UBN2: variants seen among roughly 807,000 people sequenced by gnomAD.
UBN2 encodes the protein ubinuclein 2.
In UBN2, 35 loss-of-function variants were observed where a neutral mutation model predicts 120.2. The ratio of observed to expected loss-of-function variants is 0.29; its 90% CI spans 0.22 to 0.39. UBN2 has a LOEUF of 0.39. UBN2 is among the 10% of genes least tolerant of loss of function. UBN2 has a pLI of 1.00. For missense variants in UBN2, 1,693 were observed against 1,663.2 expected (o/e 1.02, Z -0.31); for synonymous variants, 661 against 648.7 (o/e 1.02, Z -0.29).
rs1796004823 is a variant in UBN2, at chr7:139,231,455, G to GA, written c.-29dup. The GA allele has an allele frequency of 7.7e-7, 1 of 1,297,722 alleles. No homozygotes were observed. Among genetic ancestry groups the GA allele is most frequent in the Non-Finnish European group, 9.8e-7 (1 of 1,016,848 alleles). The allele number at this position is 1,297,722 out of a possible 1,614,324, so 80.4% of individuals were successfully genotyped here. On this transcript the variant is annotated 5_prime_UTR_variant, in exon 1 of 18. Transcript: ENST00000473989. ...GCGCCGTAGAAGCGAGCGCCGGCTCGAGCAAAAGCGGAGGGCCAGAACAGT... is the reference window on the plus strand; with the variant it reads ...GCGCCGTAGAAGCGAGCGCCGGCTCGAAGCAAAAGCGGAGGGCCAGAACAGT...
chr7:139,293,417 C>T lies in UBN2; in HGVS notation c.3855C>T (p.Thr1285=), dbSNP rs751739902. 1 of 1,614,148 alleles carries T rather than the reference C, an allele frequency of 6.2e-7. No homozygotes were observed. The highest frequency in any genetic ancestry group is 8.5e-7 in the Non-Finnish European group (1 of 1,180,012). ...GFGTDTAGVT[T]TSGSTSAAFH... is the part of the protein sequence containing the mutation. ...GAACGGACACAGCTGGAGTGACAAC[C>T]ACCTCGGGATCTACCTCAGCCGCTT... The change falls in exon 16 of 18, where the codon ACC becomes ACT. Residue 1285 remains threonine (T), a synonymous_variant. Transcript: ENST00000473989.
At chr7:139,271,475 A>G (rs1797271877) in intron 8 of UBN2, among the ~76,000 whole-genome samples, 1 of 151,724 alleles carries the variant, frequency 6.6e-6, no homozygotes, top group Non-Finnish European at 1.5e-5. Flanking sequence ...AGTCCCAGCT[A>G]CTCGGGTGGC....
chr7:139,273,890 C>T, intron 10 of UBN2, 41 bp from the exon 11 acceptor site: 2 of 1,521,842 alleles, frequency 1.3e-6, no homozygotes, highest in Admixed American at 2.2e-5. Flanking sequence ...AATGTATGTT[C>T]TTCTAAAAAA....
At chr7:139,240,798 G>A (rs1299247831) in intron 2 of UBN2, among the ~76,000 whole-genome samples, 1 of 152,144 alleles carries the variant, frequency 6.6e-6, no homozygotes, top group Non-Finnish European at 1.5e-5. Flanking sequence ...TTCATATTCA[G>A]CATCAATTAC....
At chr7:139,292,946 G>A (rs1798001998) in intron 15 of UBN2, among the ~76,000 whole-genome samples, 2 of 152,204 alleles carry the variant, frequency 1.3e-5, no homozygotes, top group Non-Finnish European at 2.9e-5. Context: ...AAATTGCATG[G>A]AATTACTTAC....
At chr7:139,328,742 T>C in the UBN2 span, among the ~76,000 whole-genome samples, 1 of 151,768 alleles carries the variant, frequency 6.6e-6, no homozygotes, top group African/African-American at 2.4e-5. Context: ...CACATGCCTG[T>C]AGTCCCAGCT....
chr7:139,322,736 G>A, the UBN2 span, among the ~76,000 whole-genome samples: 1 of 149,466 alleles, frequency 6.7e-6, no homozygotes, highest in African/African-American at 2.5e-5. Context: ...GTGTCACCAT[G>A]TTGACCAGGA....
chr7:139,327,059 G>T, the UBN2 span, among the ~76,000 whole-genome samples: 1 of 152,120 alleles, frequency 6.6e-6, no homozygotes. Context: ...TTGAGACAGA[G>T]TTTCACTCTT....
chr7:139,261,776 G>T, intron 6 of UBN2, 35 bp downstream of exon 6: 1 of 1,578,194 alleles, frequency 6.3e-7, no homozygotes. Context: ...TTTATTTGCT[G>T]CACAAACATA....
downstream of UBN2, among the ~76,000 whole-genome samples, chr7:139,312,671 A>G (rs1036228176): frequency 1.3e-5 from 2 of 152,080 alleles, no homozygotes; most frequent in African/African-American, 4.8e-5. Context: ...TAATTAATCT[A>G]CTTTTTGTCT....
At chr7:139,238,605 G>C (rs1274079645) in intron 2 of UBN2, among the ~76,000 whole-genome samples, 1 of 152,044 alleles carries the variant, frequency 6.6e-6, no homozygotes, top group East Asian at 1.9e-4. Context: ...TGTATTTTTA[G>C]TAGAGATGGT....
At position 139,248,576 on chromosome 7, in the gene UBN2, A is replaced by T. The variant is rs913883785; in HGVS notation, c.562-3380A>T. ...TGCCTTTTTCATCTTTAATTCTTAT[A>T]TACTAGGTTAGGTTTCTGAACAATG... On this transcript the variant is annotated intron_variant, in intron 2 of 17. Transcript: ENST00000473989. 3.3e-5 allele frequency among the ~76,000 whole-genome samples: 5 copies of T among 152,182 alleles called. 1 individual carries two copies. The highest frequency in any genetic ancestry group is 1.2e-4 in the African/African-American group (5 of 41,530).
downstream of UBN2, among the ~76,000 whole-genome samples, chr7:139,311,266 C>T (rs975398671): frequency 3.3e-5 from 5 of 152,168 alleles, no homozygotes; most frequent in East Asian, 1.9e-4. Context: ...CATGGGTGTC[C>T]GTTCTTCAGA....
At chr7:139,296,468 TC>T (rs1798113141) in intron 17 of UBN2, among the ~76,000 whole-genome samples, 1 of 152,218 alleles carries the variant, frequency 6.6e-6, no homozygotes, top group African/African-American at 2.4e-5. Flanking sequence ...TCATGCCTCT[TC>T]CCTCAGAGTA....
intron 5 of UBN2, among the ~76,000 whole-genome samples, chr7:139,261,046 T>G (rs1331229002): frequency 2.6e-5 from 4 of 152,226 alleles, no homozygotes; most frequent in Admixed American, 2.0e-4. Context: ...TTCACTGTAA[T>G]GGCCATTTAC....
At chr7:139,284,692 C>T (rs1390486440) in intron 15 of UBN2, 118 bp downstream of exon 15, 9 of 838,996 alleles carry the variant, frequency 1.1e-5, no homozygotes, top group Middle Eastern at 3.6e-4. Flanking sequence ...TGGCTTATTA[C>T]AGCCTGCAGC....
rs1394198493 is a variant in UBN2 at position 139,298,202 on chromosome 7, G to C, written c.*366G>C. On this transcript the variant is annotated 3_prime_UTR_variant, in exon 18 of 18. Coordinates refer to ENST00000473989, the MANE Select transcript of UBN2 (RefSeq NM_173569.4). ...GTAAACTCCATCCATCCTGGGGGTT[G>C]GATCTGAACACTTACAGACATAATT... The C allele has an allele frequency of 2.8e-5, 6 of 215,538 alleles. No individual in the cohort carries two copies. The East Asian group carries it at 6.5e-4, about 23-fold the overall frequency. 13.4% of individuals were successfully genotyped at this position (215,538 alleles called of 1,614,324 possible). A position where few individuals can be genotyped will look rare whatever the true frequency, so the allele number is the denominator to read the frequency against.
At chr7:139,278,959 T>C (rs1405584741) in intron 12 of UBN2, among the ~76,000 whole-genome samples, 1 of 152,140 alleles carries the variant, frequency 6.6e-6, no homozygotes, top group African/African-American at 2.4e-5. Flanking sequence ...TCAGGGTTTT[T>C]TTTGTTTTGG....
intron 11 of UBN2, 63 bp downstream of exon 11, chr7:139,274,137 A>G: frequency 7.1e-7 from 1 of 1,415,230 alleles, no homozygotes; most frequent in Non-Finnish European, 9.4e-7. Context: ...TTAAAGATAT[A>G]CATACACATA....
Sources: allele counts gnomAD v4.1 joint callset (sites outside exome capture counted in the v4.1 genomes callset), GRCh38; gene constraint gnomAD v4.1.1; transcripts MANE v1.5; gene names NCBI Gene and HGNC (gene_info 2026-07-23, HGNC 2026-07-21).